IDO2: variants seen among roughly 807,000 people sequenced by gnomAD.
The protein encoded by IDO2 is indoleamine 2,3-dioxygenase 2, also known as indoleamine 2,3-dioxygenase-like 1 protein.
A neutral mutation model predicts 45.1 loss-of-function variants in IDO2; 46 were observed. The ratio of observed to expected loss-of-function variants is 1.02; its 90% CI spans 0.80 to 1.30. The LOEUF is 1.30. Among genes scored for constraint, IDO2 ranks in the 50% most tolerant of loss-of-function variants. IDO2 has a pLI of 0.00. For synonymous variants in IDO2, 218 were observed against 184.9 expected, an observed-to-expected ratio of 1.18 and a Z score of -1.45; for missense variants, 544 against 491.8, an observed-to-expected ratio of 1.11 and a Z score of -1.00.
chr8:40,009,805 T>C (rs1309731943), intron 9 of IDO2, among the ~76,000 whole-genome samples: 1 of 152,246 alleles, frequency 6.6e-6, no homozygotes, highest in African/African-American at 2.4e-5. Flanking sequence ...TTAATGTCTC[T>C]TGGCCATTTG....
At chr8:40,013,097 G>A (rs1374164955) in intron 9 of IDO2, among the ~76,000 whole-genome samples, 1 of 152,114 alleles carries the variant, frequency 6.6e-6, no homozygotes, top group East Asian at 1.9e-4. Flanking sequence ...TCATCTGTGT[G>A]TATCTGTGTA....
chr8:39,938,662 T>A (rs933292466), intron 1 of IDO2, among the ~76,000 whole-genome samples: 3 of 152,044 alleles, frequency 2.0e-5, no homozygotes, highest in Non-Finnish European at 4.4e-5. Context: ...AGCCACAGAC[T>A]GGGAGAAAAT....
chr8:39,949,763 G>A (rs1255512931), intron 2 of IDO2, among the ~76,000 whole-genome samples: 1 of 152,204 alleles, frequency 6.6e-6, no homozygotes, highest in Middle Eastern at 3.4e-3. Flanking sequence ...GATCACTATT[G>A]CGACATTTTG....
intron 6 of IDO2, chr8:39,987,344 C>T (rs11997357): frequency 0.44 from 66,154 of 152,048 alleles, 14,958 homozygotes; most frequent in South Asian, 0.52. Flanking sequence ...TCAGGTATTT[C>T]TTTATAGCAG....
intron 8 of IDO2, among the ~76,000 whole-genome samples, chr8:40,001,245 A>ATTTTTTTTTTTTTT (rs1187145007): frequency 1.1e-5 from 1 of 94,468 alleles, no homozygotes; most frequent in African/African-American, 4.8e-5. Context: ...GGCTTTCCTC[A>ATTTTTTTTTTTTTT]TTTTTTTTTT....
intron 4 of IDO2, among the ~76,000 whole-genome samples, chr8:39,982,216 ATCTC>A (rs1184797533): frequency 8.0e-6 from 1 of 124,660 alleles, no homozygotes; most frequent in African/African-American, 3.2e-5. Context: ...TGTATCTATC[ATCTC>A]TCTCTATATA....
intron 4 of IDO2, among the ~76,000 whole-genome samples, chr8:39,982,098 T>G (rs1028737581): frequency 6.6e-6 from 1 of 152,158 alleles, no homozygotes; most frequent in East Asian, 1.9e-4. Context: ...TTTCTGCATC[T>G]AGCTTTGTAT....
chr8:40,006,795 C>T (rs1802229566), intron 9 of IDO2, among the ~76,000 whole-genome samples: 1 of 151,834 alleles, frequency 6.6e-6, no homozygotes, highest in Admixed American at 6.6e-5. Flanking sequence ...CGAGTAGCTG[C>T]GATTACAGGT....
chr8:39,947,955 T>C (rs1018333782), intron 1 of IDO2, among the ~76,000 whole-genome samples: 17 of 152,084 alleles, frequency 1.1e-4, no homozygotes, highest in Non-Finnish European at 2.2e-4. Flanking sequence ...GCTCGGCTAA[T>C]TTTGTATTTT....
In IDO2 at chr8:40,000,864, T is replaced by G. The variant is rs572054484; in HGVS notation, c.668-4463T>G. Among the ~76,000 whole-genome samples, 8 of 152,358 alleles carry G rather than the reference T, an allele frequency of 5.3e-5. No individual in the cohort carries two copies. In the East Asian group the frequency reaches 1.5e-3, roughly 29 times the overall value. On this transcript the variant is annotated intron_variant, in intron 8 of 10. Coordinates refer to ENST00000502986, the Ensembl canonical transcript of IDO2. ...CCCCATCACATTTAGTTTTGTCAAC[T>G]TCATTTCTTCATTCATTAATTCATT... is the stretch of plus-strand genomic sequence containing the variant.
intron 4 of IDO2, among the ~76,000 whole-genome samples, chr8:39,979,855 T>A (rs1808316465): frequency 6.6e-6 from 1 of 152,200 alleles, no homozygotes; most frequent in African/African-American, 2.4e-5. Context: ...GGTTGCACCA[T>A]GTTGCCCAGG....
intron 8 of IDO2, chr8:39,995,251 C>CCTTCTCCTTCTCCTTCTCCTT (rs1554548607): frequency 1.7e-4 from 13 of 78,054 alleles, no homozygotes; most frequent in African/African-American, 3.6e-4. Context: ...TTCTCCTTCT[C>CCTTCTCCTTCTCCTTCTCCTT]CTTCTTCTTC....
At chr8:39,989,934 T>C in intron 8 of IDO2, 96 bp downstream of exon 8, 1 of 687,022 alleles carries the variant, frequency 1.5e-6, no homozygotes. Flanking sequence ...CTGAAGGGGG[T>C]GATAATACAT....
chr8:39,949,373 A>G, intron 2 of IDO2, 109 bp downstream of exon 2: 1 of 764,508 alleles, frequency 1.3e-6, no homozygotes. Flanking sequence ...ATAAATATCA[A>G]GTTGTTTACC....
At chr8:39,986,666 G>A (rs1450369801) in intron 6 of IDO2, among the ~76,000 whole-genome samples, 11 of 138,228 alleles carry the variant, frequency 8.0e-5, no homozygotes, top group Non-Finnish European at 6.3e-5. Context: ...CGATTGTACA[G>A]CATTGAGATA....
chr8:39,973,869 G>A (rs1376126903), intron 3 of IDO2, among the ~76,000 whole-genome samples: 1 of 151,802 alleles, frequency 6.6e-6, no homozygotes, highest in African/African-American at 2.4e-5. Context: ...AGCCTCCCGA[G>A]TAGTTGGTAT....
At chr8:39,997,981 C>T in intron 8 of IDO2, 1 of 229,730 alleles carries the variant, frequency 4.4e-6, no homozygotes, top group Non-Finnish European at 9.1e-6. Context: ...CTAGCAAATG[C>T]CTATTCTGTA....
chr8:39,960,858 C>A, intron 2 of IDO2, among the ~76,000 whole-genome samples: 1 of 152,220 alleles, frequency 6.6e-6, no homozygotes, highest in Non-Finnish European at 1.5e-5. Context: ...TCTCGGCTCA[C>A]TGCAAGCTCC....
chr8:39,951,228 G>A (rs1807809909), intron 2 of IDO2, among the ~76,000 whole-genome samples: 1 of 150,954 alleles, frequency 6.6e-6, no homozygotes, highest in Admixed American at 6.6e-5. Flanking sequence ...GGGTGGGGGT[G>A]GAACCTCTCC....
Sources: allele counts gnomAD v4.1 joint callset (sites outside exome capture counted in the v4.1 genomes callset), GRCh38; gene constraint gnomAD v4.1.1; transcripts MANE v1.5; gene names NCBI Gene and HGNC (gene_info 2026-07-23, HGNC 2026-07-21).